Variants in RNF130 observed in about 807,000 individuals in gnomAD.
The protein encoded by RNF130 is E3 ubiquitin-protein ligase RNF130.
A neutral mutation model predicts 44.6 loss-of-function variants in RNF130; 21 were observed. That is an observed-to-expected ratio of 0.47 (90% CI 0.33 to 0.68). The LOEUF is 0.68. Among genes scored for constraint, RNF130 ranks in the 30% least tolerant of loss-of-function variants. The pLI is 0.02. For missense variants in RNF130, 479 were observed against 560.6 expected, an observed-to-expected ratio of 0.85 and a Z score of 1.47; for synonymous variants, 214 against 210.4, an observed-to-expected ratio of 1.02 and a Z score of -0.15.
Position 180,013,184 on chromosome 5 carries a change from G to A in RNF130, c.570C>T (p.Phe190=). ...AVGTRMPPKN[F]SRGSLVFVSI... ...ACACGAAGACTAGAGAGCCACGGCT[G>A]AAGTTCTTCGGTGGCATTCGAGTTC... The change falls in exon 3 of 9, where the codon TTC becomes TTT. Residue 190 remains phenylalanine (F), a synonymous_variant. Coordinates refer to ENST00000521389, the MANE Select transcript of RNF130 (RefSeq NM_018434.6). 1 of 1,614,176 alleles carries A rather than the reference G, an allele frequency of 6.2e-7. No homozygotes were observed. Among genetic ancestry groups the A allele is most frequent in the Non-Finnish European group, 8.5e-7 (1 of 1,180,030 alleles).
intron 2 of RNF130, among the ~76,000 whole-genome samples, chr5:180,021,294 T>G (rs528749538): frequency 1.3e-5 from 2 of 152,316 alleles, no homozygotes; most frequent in African/African-American, 4.8e-5. Context: ...GGCCAAAATC[T>G]AAATTTCTAA....
intron 3 of RNF130, among the ~76,000 whole-genome samples, chr5:179,993,283 CTTGAGGAA>C (rs1281064835): frequency 6.6e-6 from 1 of 152,142 alleles, no homozygotes; most frequent in Non-Finnish European, 1.5e-5. Context: ...GTTCTAGATC[CTTGAGGAA>C]TCACCACACT....
At chr5:180,066,201 G>A (rs575676915) in intron 1 of RNF130, among the ~76,000 whole-genome samples, 477 of 152,280 alleles carry the variant, frequency 3.1e-3, no homozygotes, top group Non-Finnish European at 4.2e-3. Context: ...TCATGGAGGC[G>A]GTTTCCCCCA....
intron 1 of RNF130, among the ~76,000 whole-genome samples, 174 bp from the exon 2 acceptor site, chr5:180,040,821 T>A (rs965803603): frequency 6.6e-6 from 1 of 152,172 alleles, no homozygotes; most frequent in South Asian, 2.1e-4. Flanking sequence ...TCAGTACCTA[T>A]AGGGAGAGAT....
At position 179,955,587 on chromosome 5, in the gene RNF130, T is replaced by C. The variant is rs1762194028; in HGVS notation, c.*67A>G. The C allele has an allele frequency of 4.3e-6, 6 of 1,380,040 alleles. No homozygotes were observed. Among genetic ancestry groups the C allele is most frequent in the Non-Finnish European group, 6.0e-6 (6 of 999,102 alleles). 85.5% of individuals were successfully genotyped at this position (1,380,040 alleles called of 1,614,324 possible). A position where few individuals can be genotyped will look rare whatever the true frequency, so the allele number is the denominator to read the frequency against. On this transcript the variant is annotated 3_prime_UTR_variant, in exon 9 of 9. Coordinates refer to ENST00000521389, the MANE Select transcript of RNF130 (RefSeq NM_018434.6). ...ATGCTTGTGTGGCATGATTGGTAAA[T>C]GATGCACAAAAATAGGTTCTTTTTT...
intron 7 of RNF130, among the ~76,000 whole-genome samples, chr5:179,937,951 A>C (rs1169187384): frequency 6.6e-6 from 1 of 150,716 alleles, no homozygotes; most frequent in Non-Finnish European, 1.5e-5. Context: ...AGAGAGAGAG[A>C]GAGAGAGAGA....
intron 2 of RNF130, among the ~76,000 whole-genome samples, chr5:180,027,019 G>A (rs896870288): frequency 2.0e-5 from 3 of 152,156 alleles, no homozygotes; most frequent in Non-Finnish European, 4.4e-5. Context: ...GCAATGATCC[G>A]GGTTTCTCTC....
chr5:180,063,225 C>G (rs1765026538), intron 1 of RNF130, among the ~76,000 whole-genome samples: 1 of 152,124 alleles, frequency 6.6e-6, no homozygotes, highest in Non-Finnish European at 1.5e-5. Flanking sequence ...AGAAAAAAGG[C>G]AGAGAGACCA....
At chr5:179,986,461 C>T (rs1364466801) in intron 3 of RNF130, among the ~76,000 whole-genome samples, 1 of 152,236 alleles carries the variant, frequency 6.6e-6, no homozygotes, top group Non-Finnish European at 1.5e-5. Flanking sequence ...CTGCACTAAA[C>T]ACATTGAAAA....
chr5:179,940,744 T>C (rs1761960127), intron 7 of RNF130, among the ~76,000 whole-genome samples: 1 of 152,260 alleles, frequency 6.6e-6, no homozygotes, highest in South Asian at 2.1e-4. Flanking sequence ...CAGTTTGATG[T>C]CTTTTGTCAG....
At chr5:179,925,451 AAG>A (rs1312124871) in intron 7 of RNF130, among the ~76,000 whole-genome samples, 1 of 152,212 alleles carries the variant, frequency 6.6e-6, no homozygotes, top group Admixed American at 6.5e-5. Flanking sequence ...GTCAACCAAA[AAG>A]AGAAATAACA....
intron 2 of RNF130, among the ~76,000 whole-genome samples, chr5:180,017,906 C>A (rs1763776400): frequency 6.6e-6 from 1 of 152,170 alleles, no homozygotes; most frequent in Non-Finnish European, 1.5e-5. Context: ...CTGCAGGCTT[C>A]ACAGCAGATG....
At chr5:179,918,829 G>A (rs965222996) in exon 8 of RNF130, 5 of 152,192 alleles carry the variant, frequency 3.3e-5, no homozygotes, top group East Asian at 1.9e-4. Context: ...GTCCCCATCC[G>A]GGGCTCTGCA....
chr5:179,984,061 T>A (rs775555706), intron 3 of RNF130, among the ~76,000 whole-genome samples: 7 of 152,198 alleles, frequency 4.6e-5, no homozygotes, highest in Admixed American at 2.6e-4. Flanking sequence ...ATGCATTTTT[T>A]AAAACCAATT....
At chr5:179,927,681 C>T (rs1266556940) in intron 7 of RNF130, among the ~76,000 whole-genome samples, 1 of 151,152 alleles carries the variant, frequency 6.6e-6, no homozygotes, top group Non-Finnish European at 1.5e-5. Context: ...CTCTGCCTCC[C>T]AGGTTCAAGC....
At chr5:180,020,913 T>A (rs894422213) in intron 2 of RNF130, among the ~76,000 whole-genome samples, 3 of 152,188 alleles carry the variant, frequency 2.0e-5, no homozygotes, top group African/African-American at 7.2e-5. Context: ...AAATTACTGA[T>A]CCTCTCAACT....
chr5:180,053,664 T>C (rs1764737041), intron 1 of RNF130, among the ~76,000 whole-genome samples: 1 of 152,074 alleles, frequency 6.6e-6, no homozygotes, highest in Admixed American at 6.6e-5. Flanking sequence ...TGGAAAGAAA[T>C]AGGTTTACTG....
intron 2 of RNF130, among the ~76,000 whole-genome samples, chr5:180,033,189 C>A (rs1764171143): frequency 6.6e-6 from 1 of 151,902 alleles, no homozygotes; most frequent in Admixed American, 6.6e-5. Flanking sequence ...CCTATGTTGC[C>A]CAGGCTGGTT....
At chr5:180,061,050 G>A (rs925411281) in intron 1 of RNF130, among the ~76,000 whole-genome samples, 11 of 114,438 alleles carry the variant, frequency 9.6e-5, no homozygotes, top group Admixed American at 6.8e-4. Flanking sequence ...CAGCCTGGGC[G>A]ACAGCGAGAC....
Sources: gnomAD v4.1 joint callset for allele counts (sites outside exome capture counted in the v4.1 genomes callset) on GRCh38, gnomAD v4.1.1 for gene constraint, MANE v1.5 for transcripts, NCBI Gene and HGNC (gene_info 2026-07-23, HGNC 2026-07-21) for gene names.